CRYBG1: variants seen among roughly 807,000 people sequenced by gnomAD.
The protein encoded by CRYBG1 is beta/gamma crystallin domain-containing protein 1.
A neutral mutation model predicts 189.2 loss-of-function variants in CRYBG1; 139 were observed. The ratio of observed to expected loss-of-function variants is 0.73; its 90% confidence interval spans 0.64 to 0.85. CRYBG1 has a LOEUF of 0.85. CRYBG1 is among the 40% of genes least tolerant of loss of function. CRYBG1 has a pLI of 0.00. For missense variants in CRYBG1, 2,611 were observed against 2,675.8 expected, an observed-to-expected ratio of 0.98 and a Z score of 0.53; for synonymous variants, 1,023 against 1,017.1, an observed-to-expected ratio of 1.01 and a Z score of -0.11.
chr6:106,390,025 T>C (rs1457184756), intron 1 of CRYBG1, among the ~76,000 whole-genome samples: 1 of 152,194 alleles, frequency 6.6e-6, no homozygotes, highest in Non-Finnish European at 1.5e-5. Flanking sequence ...ATGCTGATTT[T>C]AATTGGAAAT....
chr6:106,448,392 T>C (rs373811840), intron 1 of CRYBG1, among the ~76,000 whole-genome samples: 4 of 152,170 alleles, frequency 2.6e-5, no homozygotes, highest in East Asian at 1.9e-4. Flanking sequence ...CTGTCTGTGA[T>C]AGTCCTCACC....
intron 13 of CRYBG1, 52 bp from the exon 14 acceptor site, chr6:106,551,800 C>T (rs774073505): frequency 1.7e-5 from 27 of 1,561,898 alleles, no homozygotes; most frequent in South Asian, 9.3e-5. Context: ...AATATGTGAT[C>T]GTTTTATATG....
At chr6:106,487,478 G>A (rs1194373878) in intron 2 of CRYBG1, among the ~76,000 whole-genome samples, 2 of 152,120 alleles carry the variant, frequency 1.3e-5, no homozygotes, top group East Asian at 3.8e-4. Flanking sequence ...CTGGTGATGA[G>A]TTCTCTCAGT....
chr6:106,538,564 A>G (rs1774056296), intron 8 of CRYBG1, among the ~76,000 whole-genome samples: 1 of 152,138 alleles, frequency 6.6e-6, no homozygotes, highest in African/African-American at 2.4e-5. Flanking sequence ...ACTGTGTTCA[A>G]TGCACTTCCT....
chr6:106,508,235 C>A (rs1192803629), intron 2 of CRYBG1, among the ~76,000 whole-genome samples: 1 of 152,160 alleles, frequency 6.6e-6, no homozygotes, highest in Non-Finnish European at 1.5e-5. Flanking sequence ...ACAGTGAGAC[C>A]CTGTGAAATG....
At chr6:106,500,924 G>A (rs1193767883) in intron 2 of CRYBG1, among the ~76,000 whole-genome samples, 3 of 152,152 alleles carry the variant, frequency 2.0e-5, no homozygotes, top group Admixed American at 6.5e-5. Flanking sequence ...ACTCAGGTTC[G>A]GTGATAGGTG....
At chr6:106,381,277 T>C (rs1038983405) in intron 1 of CRYBG1, among the ~76,000 whole-genome samples, 13 of 152,214 alleles carry the variant, frequency 8.5e-5, no homozygotes, top group Admixed American at 3.3e-4. Context: ...CTTAATAAAA[T>C]AGCATATTGC....
In CRYBG1 at chr6:106,360,790, G is replaced by A; in HGVS notation, c.-119G>A. The stretch of plus-strand genomic sequence containing the variant: ...CCCCCCGCATCCGCGACGAGGGGGC[G>A]GGGTCCCACGGCGCGCTGAGAAAGG... On this transcript the variant is annotated 5_prime_UTR_variant, in exon 1 of 22. Transcript: ENST00000633556. 2 of 1,218,068 alleles carry A rather than the reference G, an allele frequency of 1.6e-6. No homozygotes were observed. Among genetic ancestry groups the A allele is most frequent in the Non-Finnish European group, 1.1e-6 (1 of 917,044 alleles). 75.5% of individuals were successfully genotyped at this position (1,218,068 alleles called of 1,614,324 possible). A position where few individuals can be genotyped will look rare whatever the true frequency, so the allele number is the denominator to read the frequency against.
At chr6:106,541,380 C>A in intron 9 of CRYBG1, 1 of 676,584 alleles carries the variant, frequency 1.5e-6, no homozygotes, top group South Asian at 1.5e-5. Flanking sequence ...AGCTTATAGA[C>A]TGCTTGTGCG....
Position 106,530,126 on chromosome 6 carries a change from G to A in CRYBG1, c.4579-50G>A, listed in dbSNP as rs1278511519. 6.0e-6 allele frequency: 9 copies of A among 1,489,078 alleles called. 1 individual carries two copies. Among genetic ancestry groups the A allele is most frequent in the Non-Finnish European group, 8.2e-6 (9 of 1,099,432 alleles). The allele number at this position is 1,489,078 out of a possible 1,614,324, so 92.2% of individuals were successfully genotyped here. On this transcript the variant is annotated intron_variant, in intron 7 of 21. Transcript: ENST00000633556. ...AGAAGAAGAATGAGCTTACTAGAGAGTGAAATACATGGTGCAATTCTTACT... is the reference window on the plus strand; with the variant it reads ...AGAAGAAGAATGAGCTTACTAGAGAATGAAATACATGGTGCAATTCTTACT...
At chr6:106,453,359 C>A (rs1034790730) in intron 2 of CRYBG1, among the ~76,000 whole-genome samples, 9 of 151,910 alleles carry the variant, frequency 5.9e-5, no homozygotes, top group Non-Finnish European at 8.8e-5. Context: ...ATAAGGGTAC[C>A]AGAAATATAA....
chr6:106,541,221 C>A (rs1417300016), intron 9 of CRYBG1: 2 of 485,224 alleles, frequency 4.1e-6, no homozygotes, highest in South Asian at 3.1e-5. Context: ...TCGTTAAATG[C>A]AGAAGCCGAA....
At position 106,512,309 on chromosome 6, in the gene CRYBG1, C is replaced by A; in HGVS notation, c.1192C>A (p.Pro398Thr). ...AGTGGACGAGCCGGTCGTGATTACT[C>A]CCAGAGCGGAAGATTGCGGTGACTG... is the stretch of plus-strand genomic sequence containing the variant. ...AQVDEPVVIT[P>T]RAEDCGDWDD... The change falls in exon 3 of 22, where the codon CCC becomes ACC. Residue 398 changes from proline (P) to threonine (T), a missense_variant. Coordinates refer to ENST00000633556, the MANE Select transcript of CRYBG1 (RefSeq NM_001371242.2). 6.2e-7 allele frequency: 1 copy of A among 1,600,242 alleles called. No homozygotes were observed. The highest frequency in any genetic ancestry group is 1.1e-5 in the South Asian group (1 of 88,948).
At chr6:106,492,066 G>A (rs1772736317) in intron 2 of CRYBG1, among the ~76,000 whole-genome samples, 1 of 152,108 alleles carries the variant, frequency 6.6e-6, no homozygotes, top group Non-Finnish European at 1.5e-5. Flanking sequence ...CTAGTACTGT[G>A]TTCTTCCTGT....
At chr6:106,441,219 T>G (rs111925814) in intron 1 of CRYBG1, among the ~76,000 whole-genome samples, 1,807 of 152,300 alleles carry the variant, frequency 0.012, 41 homozygotes, top group African/African-American at 0.042. Flanking sequence ...GCTGGAAGTC[T>G]GAGGTGGAGG....
chr6:106,461,149 T>G (rs1325308480), intron 2 of CRYBG1, among the ~76,000 whole-genome samples: 1 of 152,202 alleles, frequency 6.6e-6, no homozygotes, highest in Non-Finnish European at 1.5e-5. Context: ...CAATTGCCTC[T>G]GATTTAAAGC....
intron 1 of CRYBG1, among the ~76,000 whole-genome samples, chr6:106,395,887 C>A (rs1770596958): frequency 6.6e-6 from 1 of 152,136 alleles, no homozygotes; most frequent in African/African-American, 2.4e-5. Context: ...GAGCTCTAGG[C>A]AAATGACAAG....
intron 2 of CRYBG1, among the ~76,000 whole-genome samples, chr6:106,503,670 C>A (rs2114512757): frequency 6.6e-6 from 1 of 152,278 alleles, no homozygotes; most frequent in East Asian, 1.9e-4. Context: ...AATGATCCTA[C>A]AATTCAGACA....
chr6:106,391,277 TCACC>T (rs1460744941), intron 1 of CRYBG1, among the ~76,000 whole-genome samples: 5 of 152,190 alleles, frequency 3.3e-5, no homozygotes, highest in African/African-American at 1.2e-4. Context: ...AGATGGGGTT[TCACC>T]ATGTTGGCCA....
Sources: allele counts gnomAD v4.1 joint callset (sites outside exome capture counted in the v4.1 genomes callset), GRCh38; gene constraint gnomAD v4.1.1; transcripts MANE v1.5; gene names NCBI Gene and HGNC (gene_info 2026-07-23, HGNC 2026-07-21).